Variants in DIP2C observed in about 807,000 individuals in gnomAD.
DIP2C encodes the protein DIP2 acetate--CoA ligase C (putative), also known as disco-interacting protein 2 homolog C.
Under a neutral mutation model 192.4 loss-of-function variants are expected in DIP2C, and 33 were observed. That is an observed-to-expected ratio of 0.17 (90% CI 0.13 to 0.23). The LOEUF (loss-of-function observed/expected upper bound fraction) is 0.23, where lower values mean the gene tolerates loss of function less well. DIP2C is among the 10% of genes least tolerant of loss of function. The probability of loss-of-function intolerance (pLI) is 1.00; values close to 1 mark genes in which losing one functional copy is unlikely to be tolerated. For synonymous variants in DIP2C, 979 were observed against 864.1 expected, an observed-to-expected ratio of 1.13 and a Z score of -2.33; for missense variants, 1,537 against 2,110.1, an observed-to-expected ratio of 0.73 and a Z score of 5.32.
At chr10:583,180 A>G (rs900453932) in intron 1 of DIP2C, among the ~76,000 whole-genome samples, 1 of 152,246 alleles carries the variant, frequency 6.6e-6, no homozygotes, top group African/African-American at 2.4e-5. Flanking sequence ...CTCATAGGAA[A>G]AAGAACGTTG....
chr10:398,062 C>T lies in DIP2C; in HGVS notation c.1260+1047G>A, dbSNP rs149020354. ...CCCTGAAAGAAATCGAAGTATTTTA[C>T]CTCAAAATATATTTCTTTGACATAG... On this transcript the variant is annotated intron_variant, in intron 10 of 36. Coordinates refer to ENST00000280886, the MANE Select transcript of DIP2C (RefSeq NM_014974.3). Among the ~76,000 whole-genome samples the T allele has an allele frequency of 7.7e-4, 118 of 152,298 alleles. 1 individual carries two copies. Among genetic ancestry groups the T allele is most frequent in the African/African-American group, 2.7e-3 (114 of 41,560 alleles).
At chr10:607,337 G>A (rs1192046985) in intron 1 of DIP2C, among the ~76,000 whole-genome samples, 3 of 152,166 alleles carry the variant, frequency 2.0e-5, no homozygotes, top group Admixed American at 6.5e-5. Flanking sequence ...ACTGGGCTAA[G>A]AAGGCACAGA....
chr10:543,947 C>T (rs958388833), intron 1 of DIP2C, among the ~76,000 whole-genome samples: 29 of 152,382 alleles, frequency 1.9e-4, no homozygotes, highest in African/African-American at 6.7e-4. Context: ...AATCGCCAGC[C>T]GACTTCTGTT....
At position 327,184 on chromosome 10, in the gene DIP2C, T is replaced by C. The variant is rs374713106; in HGVS notation, c.3754-8A>G. 14 of 1,611,968 alleles carry C rather than the reference T, an allele frequency of 8.7e-6. No homozygotes were observed. The highest frequency in any genetic ancestry group is 9.3e-6 in the Non-Finnish European group (11 of 1,179,338). On this transcript the variant is annotated splice_region_variant and splice_polypyrimidine_tract_variant and intron_variant, in intron 30 of 36. Coordinates refer to ENST00000280886, the MANE Select transcript of DIP2C (RefSeq NM_014974.3). ...CAAGTCCAGCCCTCGCGCCTGGAGA[T>C]GATGACAGAGAAACCGAGTCAGCCC...
In DIP2C at chr10:636,102, C is replaced by T. The variant is rs931375501; in HGVS notation, c.85+53392G>A. Among the ~76,000 whole-genome samples, 1 of 152,196 alleles carries T rather than the reference C, an allele frequency of 6.6e-6. No individual in the cohort carries two copies. The highest frequency in any genetic ancestry group is 2.4e-5 in the African/African-American group (1 of 41,442). On this transcript the variant is annotated intron_variant, in intron 1 of 36. Transcript: ENST00000280886. The surrounding 1 kb of genome is among the most constrained non-coding windows in gnomAD (Gnocchi z 4.6). The stretch of plus-strand genomic sequence containing the variant: ...ACTACATGTGTGTTTCCAGCATCAA[C>T]CTGTGCTCATAGCTACATACAAAAT...
chr10:483,658 T>G (rs1843782016), intron 2 of DIP2C, among the ~76,000 whole-genome samples: 2 of 152,150 alleles, frequency 1.3e-5, no homozygotes, highest in South Asian at 2.1e-4. Context: ...GCTCTGCCCC[T>G]TGCTCCTGAG....
At chr10:586,460 C>T (rs1314784968) in intron 1 of DIP2C, among the ~76,000 whole-genome samples, 2 of 146,328 alleles carry the variant, frequency 1.4e-5, no homozygotes, top group African/African-American at 5.5e-5. Flanking sequence ...ACCTACGTCA[C>T]GCCAGAGGCC....
chr10:352,827 G>A (rs1270062192), intron 24 of DIP2C, among the ~76,000 whole-genome samples: 4 of 152,238 alleles, frequency 2.6e-5, no homozygotes, highest in East Asian at 1.9e-4. Context: ...TACACCACAC[G>A]GCAACTCCAC....
intron 1 of DIP2C, among the ~76,000 whole-genome samples, chr10:587,379 C>T (rs995075855): frequency 1.4e-4 from 22 of 152,228 alleles, no homozygotes; most frequent in African/African-American, 4.1e-4. Flanking sequence ...CGTGGGATGA[C>T]GGGATCACAC....
intron 1 of DIP2C, among the ~76,000 whole-genome samples, chr10:584,170 ACAT>A (rs764187201): frequency 1.2e-4 from 18 of 152,206 alleles, no homozygotes; most frequent in Non-Finnish European, 2.2e-4. Flanking sequence ...TAAAAACAAA[ACAT>A]CAACTATGCA....
chr10:584,380 G>T (rs566642681), intron 1 of DIP2C, among the ~76,000 whole-genome samples: 1 of 150,830 alleles, frequency 6.6e-6, no homozygotes, highest in Non-Finnish European at 1.5e-5. Context: ...CGGAGCCCAC[G>T]ACCTGACACC....
Position 651,267 on chromosome 10 carries a change from G to C in DIP2C, c.85+38227C>G, listed in dbSNP as rs1855879464. ...CAGCGTGGGTTCCGGTCACCAGTCG[G>C]CCTCCCCCACCAACGTGGACTCCTT... On this transcript the variant is annotated intron_variant, in intron 1 of 36. Transcript: ENST00000280886. The surrounding 1 kb of genome is among the most constrained non-coding windows in gnomAD (Gnocchi z 4.1). 1 of 714,176 alleles carries C rather than the reference G, an allele frequency of 1.4e-6. No individual in the cohort carries two copies. The highest frequency in any genetic ancestry group is 2.0e-5 in the Admixed American group (1 of 50,018). The allele number at this position is 714,176 out of a possible 1,614,324, so 44.2% of individuals were successfully genotyped here.
chr10:662,976 T>C (rs923033026), intron 1 of DIP2C: 5 of 716,426 alleles, frequency 7.0e-6, no homozygotes, highest in African/African-American at 1.7e-5. Context: ...AACATGCTGA[T>C]TGGTTTTATC....
intron 1 of DIP2C, among the ~76,000 whole-genome samples, chr10:540,189 TCAA>T (rs1280815184): frequency 2.0e-5 from 3 of 152,262 alleles, no homozygotes; most frequent in Non-Finnish European, 4.4e-5. Context: ...TGTTTTAAAG[TCAA>T]CAATGTTCAA....
chr10:368,923 A>G (rs1960626467), intron 18 of DIP2C, among the ~76,000 whole-genome samples: 1 of 152,248 alleles, frequency 6.6e-6, no homozygotes, highest in African/African-American at 2.4e-5. Context: ...AGAATGGTAA[A>G]GCGGCTCCTG....
At chr10:386,607 C>T (rs897822648) in intron 14 of DIP2C, among the ~76,000 whole-genome samples, 1 of 152,194 alleles carries the variant, frequency 6.6e-6, no homozygotes, top group Admixed American at 6.5e-5. Flanking sequence ...GTGTGTAACA[C>T]GGAAAGAAGC....
chr10:643,340 C>T (rs1855296967), intron 1 of DIP2C, among the ~76,000 whole-genome samples: 2 of 152,042 alleles, frequency 1.3e-5, no homozygotes, highest in African/African-American at 2.4e-5. Context: ...GGTAAAACCC[C>T]GTCTCTACTA....
intron 1 of DIP2C, among the ~76,000 whole-genome samples, chr10:578,696 A>G (rs974704706): frequency 3.3e-5 from 5 of 152,138 alleles, no homozygotes; most frequent in African/African-American, 9.7e-5. Context: ...GCACACACAC[A>G]TCTAGATCCA....
intron 34 of DIP2C, among the ~76,000 whole-genome samples, chr10:285,397 G>C (rs1471457783): frequency 1.3e-5 from 2 of 152,192 alleles, no homozygotes; most frequent in Non-Finnish European, 2.9e-5. Context: ...CGCCTCATGG[G>C]ACAGGACAGG....
Sources: gnomAD v4.1 joint callset for allele counts (sites outside exome capture counted in the v4.1 genomes callset) on GRCh38, gnomAD v4.1.1 for gene constraint, Gnocchi (gnomAD v3.1) non-coding constraint, MANE v1.5 for transcripts, NCBI Gene and HGNC (gene_info 2026-07-23, HGNC 2026-07-21) for gene names.